The following FAM20A variants were observed in gnomAD, a reference collection of about 807,000 sequenced individuals.
FAM20A encodes the protein FAM20A golgi associated secretory pathway pseudokinase.
A neutral mutation model predicts 52.0 loss-of-function variants in FAM20A; 42 were observed. That is an observed-to-expected ratio of 0.81 (90% CI 0.63 to 1.04). FAM20A has a LOEUF of 1.04. Among genes scored for constraint, FAM20A ranks in the 50% least tolerant of loss-of-function variants. The pLI, the probability that FAM20A is intolerant of heterozygous loss-of-function variation, is 0.00. For missense variants in FAM20A, 742 were observed against 712.7 expected (o/e 1.04, Z -0.47); for synonymous variants, 304 against 298.9 (o/e 1.02, Z -0.18).
At chr17:68,571,983 CATACATATATATATATATATAT>C (rs1568761982) in intron 1 of FAM20A, among the ~76,000 whole-genome samples, 1 of 22,096 alleles carries the variant, frequency 4.5e-5, no homozygotes. Flanking sequence ...TGTGTATATA[CATACATATATATATATATATAT>C]ATATATATAT....
At chr17:68,551,043 G>A (rs2086811461) in intron 4 of FAM20A, 2 of 1,226,010 alleles carry the variant, frequency 1.6e-6, no homozygotes. Context: ...AGCATGACTT[G>A]GGTAACGTGG....
In FAM20A at chr17:68,591,255, C is replaced by A. The variant is rs927513902; in HGVS notation, c.404+9008G>T. Among the ~76,000 whole-genome samples the A allele has an allele frequency of 2.6e-5, 4 of 152,302 alleles. No individual in the cohort carries two copies. The East Asian group carries it at 7.8e-4, about 30-fold the overall frequency. On this transcript the variant is annotated intron_variant, in intron 1 of 10. Transcript: ENST00000592554. ...CCGAGTAGCTGGGCGCCCGCCGCCA[C>A]GCCCGGTTAATTTTTTTGTATTTTT...
intron 4 of FAM20A, among the ~76,000 whole-genome samples, chr17:68,544,751 T>C (rs2086470744): frequency 6.6e-6 from 1 of 152,202 alleles, no homozygotes; most frequent in Admixed American, 6.5e-5. Flanking sequence ...CTTATCATCA[T>C]CACTGGATGT....
intron 1 of FAM20A, among the ~76,000 whole-genome samples, chr17:68,574,760 T>C (rs928338780): frequency 6.6e-6 from 1 of 152,148 alleles, no homozygotes; most frequent in African/African-American, 2.4e-5. Context: ...CCTAGGATGG[T>C]CCCTGGGGTA....
chr17:68,535,349 CA>C lies in FAM20A; in HGVS notation c.*2127del. 2.2e-6 allele frequency: 1 copy of C among 454,072 alleles called. No homozygotes were observed. Among genetic ancestry groups the C allele is most frequent in the Non-Finnish European group, 4.4e-6 (1 of 226,786 alleles). The allele number at this position is 454,072 out of a possible 1,614,324, so 28.1% of individuals were successfully genotyped here. ...ATTGCTTTCTGTTTGTAGAGTGCAG[CA>C]AAATGTGTATATAGGCCATTGGAAA... On this transcript the variant is annotated 3_prime_UTR_variant, in exon 11 of 11. Transcript: ENST00000592554.
In FAM20A at chr17:68,589,311, CA is replaced by C. The variant is rs142010177; in HGVS notation, c.404+10951del. 6.4e-3 allele frequency among the ~76,000 whole-genome samples: 968 copies of C among 152,314 alleles called. 9 individuals carry two copies. Among genetic ancestry groups the C allele is most frequent in the African/African-American group, 0.022 (927 of 41,556 alleles). ...CTGACTACAGACACCTGAGTAAGTC[CA>C]GTAGAGACCAGAAGAACCATTCAGC... On this transcript the variant is annotated intron_variant, in intron 1 of 10. Coordinates refer to ENST00000592554, the MANE Select transcript of FAM20A (RefSeq NM_017565.4).
chr17:68,600,200 C>G lies in FAM20A; in HGVS notation c.404+63G>C. 1 of 1,530,196 alleles carries G rather than the reference C, an allele frequency of 6.5e-7. No homozygotes were observed. Among genetic ancestry groups the G allele is most frequent in the Non-Finnish European group, 8.8e-7 (1 of 1,137,848 alleles). 94.8% of individuals were successfully genotyped at this position (1,530,196 alleles called of 1,614,324 possible). On this transcript the variant is annotated intron_variant, in intron 1 of 10. Transcript: ENST00000592554. This position sits in a 1 kb window ranked among gnomAD's most constrained non-coding sequence, Gnocchi z 6.2. ...GCCGGGGGCGTCAGGAAACTCGAGA[C>G]TGGGGCGCGGGGAGGCCCCGGCCAG...
At chr17:68,547,145 T>A (rs1394445947) in intron 4 of FAM20A, among the ~76,000 whole-genome samples, 1 of 152,170 alleles carries the variant, frequency 6.6e-6, no homozygotes, top group African/African-American at 2.4e-5. Flanking sequence ...GAGTAAAATT[T>A]AGCATCACTC....
intron 9 of FAM20A, among the ~76,000 whole-genome samples, chr17:68,539,606 T>C (rs150605003): frequency 2.2e-4 from 33 of 152,348 alleles, no homozygotes; most frequent in African/African-American, 7.9e-4. Flanking sequence ...ATTCATTCAC[T>C]AGCTGCAGAG....
At chr17:68,589,683 G>T (rs1435340579) in intron 1 of FAM20A, among the ~76,000 whole-genome samples, 1 of 152,040 alleles carries the variant, frequency 6.6e-6, no homozygotes, top group Non-Finnish European at 1.5e-5. Context: ...AGAAGTGGCA[G>T]CTTCTTTTCA....
intron 4 of FAM20A, among the ~76,000 whole-genome samples, chr17:68,548,457 G>C (rs1368665160): frequency 6.6e-6 from 1 of 152,030 alleles, no homozygotes. Flanking sequence ...TTGAACCCAG[G>C]AGGCAGAGGT....
chr17:68,542,023 G>C lies in FAM20A; in HGVS notation c.1071C>G (p.Asn357Lys). 1.2e-6 allele frequency: 2 copies of C among 1,614,116 alleles called. No homozygotes were observed. The highest frequency in any genetic ancestry group is 2.2e-5 in the East Asian group (1 of 44,888). ...CCAGTGTGTAGGAGCGGATCCAGGG[G>C]TTGGGCACAGACAGCCTGGGGGCCA... ...LNLAPRLSVP[N>K]PWIRSYTLAG... is the part of the protein sequence containing the mutation. Residue 357 changes from asparagine (N) to lysine (K), a missense_variant, in exon 7 of 11, where the codon AAC becomes AAG. Physicochemically the swap from Asn to Lys is moderately conservative, Grantham distance 94. Transcript: ENST00000592554.
At chr17:68,556,843 T>A (rs572622807) in intron 1 of FAM20A, among the ~76,000 whole-genome samples, 1 of 152,260 alleles carries the variant, frequency 6.6e-6, no homozygotes, top group South Asian at 2.1e-4. Context: ...ATATCCCTGT[T>A]TCTCAAACTG....
rs773279027 is a variant in FAM20A at position 68,555,753 on chromosome 17, C to G, written c.405-10G>C. ...GTACATCTTGTGTCGCCTGAAAGAG[C>G]CAGATAGTTGTTCATTAGAGGAACA... On this transcript the variant is annotated splice_polypyrimidine_tract_variant and intron_variant, in intron 1 of 10. Coordinates refer to ENST00000592554, the MANE Select transcript of FAM20A (RefSeq NM_017565.4). 1.2e-6 allele frequency: 2 copies of G among 1,614,018 alleles called. No individual in the cohort carries two copies. Among genetic ancestry groups the G allele is most frequent in the Non-Finnish European group, 1.7e-6 (2 of 1,180,028 alleles).
chr17:68,545,236 C>T (rs1332722956), intron 4 of FAM20A, among the ~76,000 whole-genome samples: 3 of 152,150 alleles, frequency 2.0e-5, no homozygotes, highest in Non-Finnish European at 2.9e-5. Flanking sequence ...AAAATTGGTC[C>T]TGTCACTGAA....
At chr17:68,563,103 C>T (rs1218994403) in intron 1 of FAM20A, among the ~76,000 whole-genome samples, 1 of 151,874 alleles carries the variant, frequency 6.6e-6, no homozygotes, top group Non-Finnish European at 1.5e-5. Context: ...AACATGCAAA[C>T]AGCCGGGCGC....
intron 1 of FAM20A, among the ~76,000 whole-genome samples, chr17:68,594,467 G>A (rs2088399802): frequency 6.6e-6 from 1 of 152,096 alleles, no homozygotes; most frequent in East Asian, 1.9e-4. Context: ...CACAAACCTA[G>A]TAACTTAAAA....
intron 1 of FAM20A, among the ~76,000 whole-genome samples, chr17:68,558,632 C>A (rs1224486263): frequency 6.6e-6 from 1 of 152,220 alleles, no homozygotes; most frequent in Non-Finnish European, 1.5e-5. Flanking sequence ...TCACCAGAAG[C>A]AGCATGCTTC....
chr17:68,578,005 CCACA>C (rs752788424), intron 1 of FAM20A, among the ~76,000 whole-genome samples: 3 of 149,564 alleles, frequency 2.0e-5, no homozygotes, highest in Admixed American at 6.7e-5. Flanking sequence ...ATTTCACACA[CCACA>C]CACACACACA....
Sources: gnomAD v4.1 joint callset for allele counts (sites outside exome capture counted in the v4.1 genomes callset) on GRCh38, gnomAD v4.1.1 for gene constraint, Gnocchi (gnomAD v3.1) non-coding constraint, MANE v1.5 for transcripts, NCBI Gene and HGNC (gene_info 2026-07-23, HGNC 2026-07-21) for gene names.